The following FBN2 variants were observed in gnomAD, a reference collection of about 807,000 sequenced individuals.
FBN2 encodes the protein fibrillin-2.
Under a neutral mutation model 355.6 loss-of-function variants are expected in FBN2, and 105 were observed. That is an observed-to-expected ratio of 0.30 (90% CI 0.25 to 0.35). The LOEUF is 0.35. Among genes scored for constraint, FBN2 ranks in the 10% least tolerant of loss-of-function variants. FBN2 has a pLI of 1.00. For synonymous variants in FBN2, 1,350 were observed against 1,301.2 expected (o/e 1.04, Z -0.81); for missense variants, 3,280 against 3,758.7 (o/e 0.87, Z 3.33).
chr5:128,495,766 T>C (rs6895590), intron 5 of FBN2, among the ~76,000 whole-genome samples: 170 of 152,072 alleles, frequency 1.1e-3, no homozygotes, highest in Non-Finnish European at 2.0e-3. Context: ...CCCACCTCTA[T>C]AAAAAAGAGA....
At chr5:128,409,125 C>A (rs1489701334) in intron 7 of FBN2, among the ~76,000 whole-genome samples, 3 of 152,056 alleles carry the variant, frequency 2.0e-5, no homozygotes, top group African/African-American at 7.2e-5. Flanking sequence ...AATTATCCTA[C>A]TAGAGCCTTT....
At chr5:128,268,222 A>G (rs1266730600) in intron 62 of FBN2, among the ~76,000 whole-genome samples, 1 of 152,244 alleles carries the variant, frequency 6.6e-6, no homozygotes. Context: ...AATACAAACT[A>G]CCATCAGAGA....
At chr5:128,273,746 T>C in intron 61 of FBN2, 94 bp downstream of exon 61, 3 of 1,311,904 alleles carry the variant, frequency 2.3e-6, no homozygotes, top group East Asian at 4.8e-5. Flanking sequence ...TACTTTTTTT[T>C]CTTTTTTTCA....
chr5:128,473,205 C>T (rs1306230111), intron 5 of FBN2, among the ~76,000 whole-genome samples: 2 of 152,136 alleles, frequency 1.3e-5, no homozygotes, highest in Non-Finnish European at 1.5e-5. Context: ...ATAGGTGGCA[C>T]CAATTTACAC....
At chr5:128,483,816 A>G (rs1030638459) in intron 5 of FBN2, among the ~76,000 whole-genome samples, 1 of 152,184 alleles carries the variant, frequency 6.6e-6, no homozygotes, top group Admixed American at 6.5e-5. Context: ...TAGCTGGAAA[A>G]AATGTTAAAG....
At chr5:128,398,159 C>T (rs1752699372) in intron 8 of FBN2, among the ~76,000 whole-genome samples, 1 of 152,020 alleles carries the variant, frequency 6.6e-6, no homozygotes, top group Non-Finnish European at 1.5e-5. Flanking sequence ...GTTAGAGACA[C>T]TCCAAGCAAC....
intron 6 of FBN2, among the ~76,000 whole-genome samples, chr5:128,454,253 G>A (rs936523154): frequency 1.3e-5 from 2 of 152,142 alleles, no homozygotes; most frequent in Admixed American, 1.3e-4. Flanking sequence ...ATGATGTGTT[G>A]TTCTCTATTA....
chr5:128,301,929 G>A (rs1377681691), intron 46 of FBN2, among the ~76,000 whole-genome samples: 2 of 152,028 alleles, frequency 1.3e-5, no homozygotes, highest in Non-Finnish European at 2.9e-5. Flanking sequence ...AAATAAATGA[G>A]CTTATTTATT....
chr5:128,328,644 A>T, intron 34 of FBN2, 52 bp downstream of exon 34: 1 of 1,606,862 alleles, frequency 6.2e-7, no homozygotes, highest in East Asian at 2.2e-5. Flanking sequence ...TTGTGGTTTC[A>T]TTTACTGTGG....
rs115941785 is a variant in FBN2 at position 128,468,809 on chromosome 5, A to T, written c.629-3888T>A. Among the ~76,000 whole-genome samples, 364 of 152,370 alleles carry T rather than the reference A, an allele frequency of 2.4e-3. 3 individuals carry two copies. The highest frequency in any genetic ancestry group is 8.1e-3 in the African/African-American group (336 of 41,592). The stretch of plus-strand genomic sequence containing the variant: ...AAAATACAAGTTGAGAAAATTAAAC[A>T]TTCTTAAAATAAAATATAATACACT... On this transcript the variant is annotated intron_variant, in intron 5 of 64. Transcript: ENST00000262464.
At chr5:128,521,387 A>G (rs1756430476) in intron 4 of FBN2, among the ~76,000 whole-genome samples, 1 of 152,072 alleles carries the variant, frequency 6.6e-6, no homozygotes, top group African/African-American at 2.4e-5. Context: ...GGGGAGGGAG[A>G]GCTTCAGGAT....
chr5:128,326,313 G>A (rs1440196797), intron 34 of FBN2, among the ~76,000 whole-genome samples: 7 of 152,188 alleles, frequency 4.6e-5, no homozygotes, highest in African/African-American at 1.7e-4. Context: ...GATTGAGAAT[G>A]GGGAGAGCTC....
intron 5 of FBN2, among the ~76,000 whole-genome samples, chr5:128,468,308 G>A (rs1249494465): frequency 6.6e-6 from 1 of 152,066 alleles, no homozygotes; most frequent in Non-Finnish European, 1.5e-5. Flanking sequence ...TCCATTGTAT[G>A]GCTGTACTAC....
Position 128,536,433 on chromosome 5 carries a change from C to T in FBN2, c.306G>A (p.Lys102=). ...TGCACTGGTTTCCTCCAGGGAGCGT[C>T]TTCCATCCAGGGCAGCAGTAGGAGT... The part of the protein sequence containing the change: ...RFHSYCCPGW[K]TLPGGNQCIV... The change falls in exon 2 of 65, where the codon AAG becomes AAA. Residue 102 remains lysine, a synonymous_variant. Coordinates refer to ENST00000262464, the MANE Select transcript of FBN2 (RefSeq NM_001999.4). 6.2e-7 allele frequency: 1 copy of T among 1,614,124 alleles called. No homozygotes were observed. Among genetic ancestry groups the T allele is most frequent in the Non-Finnish European group, 8.5e-7 (1 of 1,180,012 alleles).
intron 5 of FBN2, among the ~76,000 whole-genome samples, chr5:128,485,295 T>C (rs1249828495): frequency 1.3e-5 from 2 of 152,176 alleles, no homozygotes; most frequent in Non-Finnish European, 2.9e-5. Flanking sequence ...AGTGCTGAGA[T>C]TACAGGCATG....
chr5:128,306,001 C>T, intron 42 of FBN2, 53 bp from the exon 43 acceptor site: 1 of 1,542,380 alleles, frequency 6.5e-7, no homozygotes, highest in Non-Finnish European at 9.0e-7. Flanking sequence ...AATATACTTA[C>T]CATATAACTT....
intron 7 of FBN2, among the ~76,000 whole-genome samples, chr5:128,411,508 C>T (rs938552244): frequency 5.9e-5 from 9 of 152,138 alleles, no homozygotes; most frequent in South Asian, 4.1e-4. Flanking sequence ...CCTCTCTGAC[C>T]GTCCCCAGCT....
intron 36 of FBN2, among the ~76,000 whole-genome samples, chr5:128,313,852 C>CAAAAAAA (rs70997367): frequency 2.1e-5 from 1 of 48,242 alleles, no homozygotes; most frequent in Non-Finnish European, 3.6e-5. Context: ...GACTCTGTCT[C>CAAAAAAA]AAAAAAAAAA....
chr5:128,453,568 T>C (rs1050988354), intron 6 of FBN2, among the ~76,000 whole-genome samples: 17 of 152,242 alleles, frequency 1.1e-4, no homozygotes, highest in African/African-American at 4.1e-4. Flanking sequence ...ATATAAACTT[T>C]GCATTTATTT....
Sources: gnomAD v4.1 joint callset for allele counts (sites outside exome capture counted in the v4.1 genomes callset) on GRCh38, gnomAD v4.1.1 for gene constraint, MANE v1.5 for transcripts, NCBI Gene and HGNC (gene_info 2026-07-23, HGNC 2026-07-21) for gene names.